The following TNR variants were observed in gnomAD, a reference collection of about 807,000 sequenced individuals.
TNR encodes tenascin-R.
TNR carries 45 observed loss-of-function variants against 150.4 expected under a neutral mutation model. The observed-to-expected ratio is 0.30, with a 90% CI of 0.24 to 0.38. TNR has a LOEUF of 0.38. Among genes scored for constraint, TNR ranks in the 10% least tolerant of loss-of-function variants. The probability of loss-of-function intolerance (pLI) is 1.00; values close to 1 mark genes in which losing one functional copy is unlikely to be tolerated. For missense variants in TNR, 1,544 were observed against 1,759.1 expected, an observed-to-expected ratio of 0.88 and a Z score of 2.19; for synonymous variants, 687 against 678.4, an observed-to-expected ratio of 1.01 and a Z score of -0.20.
At chr1:175,456,759 A>G (rs979368338) in intron 2 of TNR, among the ~76,000 whole-genome samples, 6 of 152,242 alleles carry the variant, frequency 3.9e-5, no homozygotes, top group African/African-American at 1.4e-4. Context: ...ATAAATTATT[A>G]TAGCTAGAAG....
chr1:175,644,571 C>T (rs113685804), intron 1 of TNR, among the ~76,000 whole-genome samples: 1 of 152,224 alleles, frequency 6.6e-6, no homozygotes, highest in Non-Finnish European at 1.5e-5. Flanking sequence ...AGCTGGACAA[C>T]TCCAAGGGAA....
intron 1 of TNR, among the ~76,000 whole-genome samples, chr1:175,654,192 T>C (rs1234018120): frequency 6.6e-6 from 1 of 152,224 alleles, no homozygotes; most frequent in African/African-American, 2.4e-5. Context: ...TTGCCTTTCA[T>C]GGCCTTGAGA....
chr1:175,427,861 C>T (rs1436111376), intron 2 of TNR, among the ~76,000 whole-genome samples: 1 of 139,486 alleles, frequency 7.2e-6, no homozygotes, highest in Non-Finnish European at 1.6e-5. Context: ...TTCCTTCCTT[C>T]CTTCCTTCCT....
At chr1:175,635,810 G>A (rs757983275) in intron 1 of TNR, among the ~76,000 whole-genome samples, 2 of 152,150 alleles carry the variant, frequency 1.3e-5, no homozygotes, top group African/African-American at 2.4e-5. Context: ...ACAGAGAAGA[G>A]AGTTAGCATT....
intron 14 of TNR, among the ~76,000 whole-genome samples, chr1:175,362,340 T>C (rs1651636634): frequency 6.6e-6 from 1 of 152,230 alleles, no homozygotes; most frequent in Non-Finnish European, 1.5e-5. Context: ...TCTGAGTCTT[T>C]TACAAAATCA....
intron 1 of TNR, among the ~76,000 whole-genome samples, chr1:175,661,349 TGATAAA>T (rs1275956201): frequency 3.9e-5 from 6 of 152,278 alleles, no homozygotes; most frequent in Non-Finnish European, 8.8e-5. Context: ...TTATGATAAA[TGATAAA>T]GATAGTCACT....
At chr1:175,335,945 G>A in intron 19 of TNR, 138 bp from the exon 20 acceptor site, 1 of 739,440 alleles carries the variant, frequency 1.4e-6, no homozygotes. Flanking sequence ...GTCCAAAGAA[G>A]GAACATTTCA....
intron 2 of TNR, among the ~76,000 whole-genome samples, chr1:175,463,231 T>G (rs1466979350): frequency 6.6e-6 from 1 of 152,132 alleles, no homozygotes; most frequent in Non-Finnish European, 1.5e-5. Context: ...ACCACTGACT[T>G]GAAGGTTTCA....
At chr1:175,502,798 G>A (rs544358557) in intron 2 of TNR, among the ~76,000 whole-genome samples, 45 of 152,268 alleles carry the variant, frequency 3.0e-4, no homozygotes, top group African/African-American at 1.0e-3. Context: ...TTAGAAGATG[G>A]TATATAAATT....
Position 175,331,078 on chromosome 1 carries a change from C to CTTCTTTCTTTCTTTCT in TNR, c.3632-859_3632-844dup, listed in dbSNP as rs1434211485. ...CTTTCTTTCTTTCTTTCTTTCTTTC[C>CTTCTTTCTTTCTTTCT]TTCTTTCTTTCTTTCTTTCTTTCTC... On this transcript the variant is annotated intron_variant, in intron 20 of 22. Coordinates refer to ENST00000367674, the MANE Select transcript of TNR (RefSeq NM_003285.3). 4.3e-4 allele frequency among the ~76,000 whole-genome samples: 26 copies of CTTCTTTCTTTCTTTCT among 59,938 alleles called. 3 individuals are homozygous for CTTCTTTCTTTCTTTCT. The highest frequency in any genetic ancestry group is 1.5e-3 in the African/African-American group (24 of 15,856). 39.3% of individuals were successfully genotyped at this position (59,938 alleles called of 152,430 possible).
At chr1:175,578,744 C>T (rs919094969) in intron 1 of TNR, among the ~76,000 whole-genome samples, 3 of 152,218 alleles carry the variant, frequency 2.0e-5, no homozygotes, top group African/African-American at 7.2e-5. Flanking sequence ...TTTGTCACCT[C>T]TTCTGCACTC....
intron 2 of TNR, among the ~76,000 whole-genome samples, chr1:175,526,549 C>T (rs1313885852): frequency 1.3e-5 from 2 of 152,186 alleles, no homozygotes; most frequent in Non-Finnish European, 2.9e-5. Flanking sequence ...AACCTGTCTG[C>T]AGTACAGAAC....
chr1:175,441,888 G>A (rs951311983), intron 2 of TNR, among the ~76,000 whole-genome samples: 1 of 152,198 alleles, frequency 6.6e-6, no homozygotes, highest in Non-Finnish European at 1.5e-5. Context: ...GGTGGTGGGG[G>A]TTAGATAAGC....
intron 1 of TNR, among the ~76,000 whole-genome samples, chr1:175,647,503 A>G (rs1664843669): frequency 6.6e-6 from 1 of 152,050 alleles, no homozygotes; most frequent in South Asian, 2.1e-4. Context: ...AGCAAAGTAA[A>G]GGGAAGAGGG....
chr1:175,601,135 T>A (rs1004012708), intron 1 of TNR, among the ~76,000 whole-genome samples: 58 of 152,236 alleles, frequency 3.8e-4, no homozygotes, highest in African/African-American at 1.3e-3. Flanking sequence ...AATGCCTTTA[T>A]CTTCTGTTTG....
chr1:175,391,571 A>T, intron 6 of TNR, 133 bp from the exon 7 acceptor site: 1 of 995,532 alleles, frequency 1.0e-6, no homozygotes, highest in Non-Finnish European at 1.5e-6. Flanking sequence ...TCTTTCCTCC[A>T]TGCTGACAGC....
intron 1 of TNR, among the ~76,000 whole-genome samples, chr1:175,531,519 C>T (rs774741910): frequency 3.9e-5 from 6 of 152,132 alleles, no homozygotes; most frequent in Non-Finnish European, 5.9e-5. Context: ...GGCTCATGGT[C>T]CCAAATCCTT....
intron 1 of TNR, among the ~76,000 whole-genome samples, chr1:175,726,396 G>A (rs1006108216): frequency 2.0e-5 from 3 of 152,212 alleles, no homozygotes; most frequent in Non-Finnish European, 4.4e-5. Context: ...GTTAAAAAGT[G>A]TGATTGTATA....
chr1:175,669,575 A>T (rs1419624848), intron 1 of TNR, among the ~76,000 whole-genome samples: 1 of 152,218 alleles, frequency 6.6e-6, no homozygotes, highest in African/African-American at 2.4e-5. Context: ...CAGATGGATC[A>T]TTTCCTAGTA....
Sources: gnomAD v4.1 joint callset for allele counts (sites outside exome capture counted in the v4.1 genomes callset) on GRCh38, gnomAD v4.1.1 for gene constraint, MANE v1.5 for transcripts, NCBI Gene and HGNC (gene_info 2026-07-23, HGNC 2026-07-21) for gene names.